The following SLC7A7 variants were observed in gnomAD, a reference collection of about 807,000 sequenced individuals.
SLC7A7 encodes solute carrier family 7 member 7.
SLC7A7 carries 39 observed loss-of-function variants against 47.9 expected under a neutral mutation model. The ratio of observed to expected loss-of-function variants is 0.81; its 90% CI spans 0.63 to 1.06. The LOEUF is 1.06. Ranked by LOEUF, SLC7A7 falls within the 50% of genes least tolerant of loss-of-function variation. The probability of loss-of-function intolerance (pLI) is 0.00; values close to 1 mark genes in which losing one functional copy is unlikely to be tolerated. For synonymous variants in SLC7A7, 234 were observed against 242.8 expected (o/e 0.96, Z 0.34); for missense variants, 588 against 632.0 (o/e 0.93, Z 0.75).
intron 2 of SLC7A7, among the ~76,000 whole-genome samples, chr14:22,781,675 C>T (rs2139400271): frequency 6.6e-6 from 1 of 152,270 alleles, no homozygotes; most frequent in African/African-American, 2.4e-5. Flanking sequence ...GCCAGTCACC[C>T]ATCCTTTACT....
rs376259921 is a variant in SLC7A7 at position 22,786,468 on chromosome 14, C to T, written c.500-6417G>A. On this transcript the variant is annotated intron_variant, in intron 2 of 9. Coordinates refer to ENST00000674313, the MANE Select transcript of SLC7A7 (RefSeq NM_003982.4). ...ATTTATTTCACTTTGTCATTTACTG[C>T]ATATACTTCACTGTGTCAGTATTTC... Among the ~76,000 whole-genome samples the T allele has an allele frequency of 3.0e-3, 464 of 152,312 alleles. 5 individuals are homozygous for T. The highest frequency in any genetic ancestry group is 0.011 in the African/African-American group (447 of 41,568).
In SLC7A7 at chr14:22,775,893, G is replaced by A. The variant is rs1219209336; in HGVS notation, c.938C>T (p.Pro313Leu). The change falls in exon 6 of 10, where the codon CCA (proline) becomes CTA (leucine). Residue 313 changes from proline (P) to leucine (L), a missense_variant. Transcript: ENST00000674313. Reference protein sequence around the residue: ...QIFGIFNWIIPLSVALSCFGG... With the variant: ...QIFGIFNWIILLSVALSCFGG... ...AAAACAGGATAATGCAACTGACAGT[G>A]GAATTATCCAGTTAAATATTCCAAA... 4.3e-6 allele frequency: 7 copies of A among 1,613,914 alleles called. No homozygotes were observed.
intron 2 of SLC7A7, among the ~76,000 whole-genome samples, chr14:22,793,685 G>A (rs979850886): frequency 8.6e-5 from 13 of 151,982 alleles, no homozygotes; most frequent in South Asian, 2.1e-4. Context: ...GTGTGGTGGC[G>A]TGCACCTGTA....
At chr14:22,790,552 T>C (rs2139417804) in intron 2 of SLC7A7, among the ~76,000 whole-genome samples, 1 of 152,160 alleles carries the variant, frequency 6.6e-6, no homozygotes, top group East Asian at 1.9e-4. Context: ...TGATAGCAGA[T>C]CCTCAAACAA....
chr14:22,799,448 C>CTTTTTTTTTTTTTTTTTTTTT (rs56375225), intron 2 of SLC7A7, among the ~76,000 whole-genome samples: 7 of 76,168 alleles, frequency 9.2e-5, no homozygotes, highest in Admixed American at 2.1e-4. Context: ...TTTTTTCTTT[C>CTTTTTTTTTTTTTTTTTTTTT]TTTTTTTTTT....
intron 2 of SLC7A7, among the ~76,000 whole-genome samples, chr14:22,783,274 G>A (rs938405962): frequency 6.6e-6 from 1 of 151,816 alleles, no homozygotes; most frequent in African/African-American, 2.4e-5. Context: ...TGTGGCCCAG[G>A]CTGGTCTCGA....
At chr14:22,790,044 G>T (rs1380971671) in intron 2 of SLC7A7, among the ~76,000 whole-genome samples, 3 of 152,120 alleles carry the variant, frequency 2.0e-5, no homozygotes, top group African/African-American at 7.2e-5. Context: ...AAACTCATAT[G>T]TTGGCTGGGC....
intron 2 of SLC7A7, among the ~76,000 whole-genome samples, chr14:22,801,854 A>C (rs2039120314): frequency 6.6e-6 from 1 of 152,220 alleles, no homozygotes; most frequent in African/African-American, 2.4e-5. Flanking sequence ...GCGGTCACAC[A>C]CACCCACGCA....
chr14:22,790,514 C>T (rs1406192283), intron 2 of SLC7A7, among the ~76,000 whole-genome samples: 2 of 152,058 alleles, frequency 1.3e-5, no homozygotes, highest in East Asian at 3.8e-4. Flanking sequence ...TAAATGTGAC[C>T]TTATGCAAAG....
chr14:22,787,262 C>A (rs1424295939), intron 2 of SLC7A7, among the ~76,000 whole-genome samples: 1 of 151,666 alleles, frequency 6.6e-6, no homozygotes. Flanking sequence ...ATAGTGAAAC[C>A]CCGTCTCTAC....
intron 2 of SLC7A7, among the ~76,000 whole-genome samples, chr14:22,789,917 C>T (rs546572189): frequency 1.3e-5 from 2 of 152,294 alleles, no homozygotes; most frequent in East Asian, 1.9e-4. Context: ...CACAGTGCTA[C>T]TTCATATTAG....
chr14:22,804,105 G>A (rs2039161122), intron 2 of SLC7A7, among the ~76,000 whole-genome samples: 1 of 152,102 alleles, frequency 6.6e-6, no homozygotes, highest in South Asian at 2.1e-4. Context: ...TGTGGGAAAG[G>A]ATTCCGTATT....
At chr14:22,807,991 G>A (rs751096610) in intron 2 of SLC7A7, among the ~76,000 whole-genome samples, 28 of 151,766 alleles carry the variant, frequency 1.8e-4, no homozygotes, top group African/African-American at 5.6e-4. Context: ...GTGAAACCCC[G>A]TCTCTACTAA....
At chr14:22,776,798 T>G (rs1270616098) in intron 4 of SLC7A7, among the ~76,000 whole-genome samples, 1 of 152,088 alleles carries the variant, frequency 6.6e-6, no homozygotes, top group African/African-American at 2.4e-5. Context: ...CAAAACCCTG[T>G]TCCTACTAAA....
At chr14:22,801,761 GA>G (rs1283064366) in intron 2 of SLC7A7, among the ~76,000 whole-genome samples, 2 of 152,110 alleles carry the variant, frequency 1.3e-5, no homozygotes, top group African/African-American at 4.8e-5. Flanking sequence ...GTGACAGAGC[GA>G]GACTCCGTCT....
intron 2 of SLC7A7, among the ~76,000 whole-genome samples, chr14:22,806,096 C>A (rs1288410149): frequency 8.7e-5 from 11 of 126,544 alleles, no homozygotes; most frequent in Non-Finnish European, 1.4e-4. Flanking sequence ...CCTCCGCCTA[C>A]TGACATAGCG....
chr14:22,796,948 G>A (rs2039031140), intron 2 of SLC7A7, among the ~76,000 whole-genome samples: 1 of 152,160 alleles, frequency 6.6e-6, no homozygotes, highest in African/African-American at 2.4e-5. Context: ...CATGCGGAAG[G>A]TAAAGCTTTT....
chr14:22,803,417 C>CA (rs929385099), intron 2 of SLC7A7, among the ~76,000 whole-genome samples: 12 of 149,994 alleles, frequency 8.0e-5, no homozygotes, highest in African/African-American at 2.4e-4. Flanking sequence ...GACACCATCT[C>CA]AAAAAAAAAG....
intron 2 of SLC7A7, among the ~76,000 whole-genome samples, chr14:22,784,612 A>T (rs2038781380): frequency 6.6e-6 from 1 of 151,672 alleles, no homozygotes; most frequent in African/African-American, 2.4e-5. Flanking sequence ...GCAAGACTCC[A>T]TCTCAAAAAA....
Sources: allele counts gnomAD v4.1 joint callset (sites outside exome capture counted in the v4.1 genomes callset), GRCh38; gene constraint gnomAD v4.1.1; transcripts MANE v1.5; gene names NCBI Gene and HGNC (gene_info 2026-07-23, HGNC 2026-07-21).